SLAMF9: variants seen among roughly 807,000 people sequenced by gnomAD.
The protein encoded by SLAMF9 is CD2 family member 10.
Under a neutral mutation model 30.4 loss-of-function variants are expected in SLAMF9, and 25 were observed. That is an observed-to-expected ratio of 0.82 (90% CI 0.60 to 1.15). The LOEUF is 1.15. SLAMF9 is among the 50% of genes most tolerant of loss of function. The pLI is 0.00. For missense variants in SLAMF9, 344 were observed against 346.1 expected (o/e 0.99, Z 0.05); for synonymous variants, 129 against 127.2 (o/e 1.01, Z -0.09).
the SLAMF9 span, among the ~76,000 whole-genome samples, chr1:159,981,064 A>C: frequency 6.6e-6 from 1 of 152,188 alleles, no homozygotes; most frequent in South Asian, 2.1e-4. Flanking sequence ...GTGGCCCCCA[A>C]AACTCCTATG....
chr1:159,963,948 T>C, the SLAMF9 span, among the ~76,000 whole-genome samples: 1 of 152,132 alleles, frequency 6.6e-6, no homozygotes, highest in Non-Finnish European at 1.5e-5. Context: ...TAATCCCAGC[T>C]ACTCATGAGG....
the SLAMF9 span, among the ~76,000 whole-genome samples, chr1:159,971,870 C>T: frequency 2.6e-5 from 4 of 152,204 alleles, no homozygotes; most frequent in African/African-American, 9.6e-5. Flanking sequence ...ATTGTTTCTC[C>T]CCTGGCACTC....
chr1:159,973,942 G>T, the SLAMF9 span: 1 of 1,611,790 alleles, frequency 6.2e-7, no homozygotes, highest in African/African-American at 1.3e-5. Flanking sequence ...GAGAAATGAA[G>T]GAATTTTCCA....
At chr1:159,973,488 T>G in the SLAMF9 span, among the ~76,000 whole-genome samples, 19 of 152,070 alleles carry the variant, frequency 1.2e-4, no homozygotes, top group Middle Eastern at 3.2e-3. Flanking sequence ...ATCTTGGAAG[T>G]CAGAGGCAGA....
chr1:159,956,990 C>T (rs1651934197), upstream of SLAMF9, among the ~76,000 whole-genome samples: 1 of 151,454 alleles, frequency 6.6e-6, no homozygotes, highest in African/African-American at 2.4e-5. Flanking sequence ...GGCGTGGTGG[C>T]GGGTGCCTGT....
chr1:159,966,622 A>C, the SLAMF9 span, among the ~76,000 whole-genome samples: 19 of 152,138 alleles, frequency 1.2e-4, no homozygotes, highest in Non-Finnish European at 2.2e-4. Flanking sequence ...CTTCATCAAC[A>C]CATGTTATCT....
the SLAMF9 span, among the ~76,000 whole-genome samples, chr1:159,982,553 T>A: frequency 2.6e-5 from 4 of 152,212 alleles, no homozygotes; most frequent in Non-Finnish European, 5.9e-5. Context: ...TTTGTGCTAT[T>A]TTTAGCACTT....
At chr1:159,982,006 T>C in the SLAMF9 span, among the ~76,000 whole-genome samples, 1 of 152,230 alleles carries the variant, frequency 6.6e-6, no homozygotes, top group Non-Finnish European at 1.5e-5. Flanking sequence ...TCTTCATCCT[T>C]CACAGGTGTG....
the SLAMF9 span, among the ~76,000 whole-genome samples, chr1:159,979,230 T>G: frequency 6.6e-6 from 1 of 152,202 alleles, no homozygotes; most frequent in South Asian, 2.1e-4. Flanking sequence ...GTGGTACGGT[T>G]TGAGTTGTTT....
chr1:159,973,138 T>C, the SLAMF9 span: 2 of 1,539,504 alleles, frequency 1.3e-6, no homozygotes, highest in Non-Finnish European at 1.8e-6. Flanking sequence ...TCCTGCAAGG[T>C]GTGGCCATCC....
At chr1:159,966,554 T>G in the SLAMF9 span, among the ~76,000 whole-genome samples, 1 of 152,228 alleles carries the variant, frequency 6.6e-6, no homozygotes, top group Non-Finnish European at 1.5e-5. Flanking sequence ...TTTTCCATAA[T>G]AGCTGTACTA....
At chr1:159,964,346 G>T in the SLAMF9 span, among the ~76,000 whole-genome samples, 1 of 152,132 alleles carries the variant, frequency 6.6e-6, no homozygotes, top group Non-Finnish European at 1.5e-5. Context: ...TCTTGGTCTG[G>T]CCTTTGGAGA....
the SLAMF9 span, among the ~76,000 whole-genome samples, chr1:159,961,933 C>T: frequency 9.2e-5 from 14 of 151,798 alleles, no homozygotes; most frequent in East Asian, 3.9e-4. Flanking sequence ...CGGAGGCGGG[C>T]GGATCACAAG....
At chr1:159,981,179 A>G in the SLAMF9 span, among the ~76,000 whole-genome samples, 2 of 152,148 alleles carry the variant, frequency 1.3e-5, no homozygotes, top group Non-Finnish European at 2.9e-5. Flanking sequence ...GCCCTAATCC[A>G]TTCTGATTGG....
chr1:159,971,550 G>C, the SLAMF9 span, among the ~76,000 whole-genome samples: 4 of 152,094 alleles, frequency 2.6e-5, no homozygotes, highest in Non-Finnish European at 5.9e-5. Context: ...TGGTACCCTG[G>C]GTTGGAGAAG....
the SLAMF9 span, among the ~76,000 whole-genome samples, chr1:159,980,313 C>A: frequency 6.6e-6 from 1 of 152,118 alleles, no homozygotes; most frequent in Non-Finnish European, 1.5e-5. Context: ...CTCTTCCCAG[C>A]CTCTTCCCCT....
At chr1:159,963,345 C>G in the SLAMF9 span, among the ~76,000 whole-genome samples, 2 of 152,114 alleles carry the variant, frequency 1.3e-5, no homozygotes, top group African/African-American at 4.8e-5. Context: ...ACATAAGACA[C>G]GAGAATAGGT....
chr1:159,960,490 G>T, the SLAMF9 span, among the ~76,000 whole-genome samples: 1 of 147,008 alleles, frequency 6.8e-6, no homozygotes, highest in Non-Finnish European at 1.5e-5. Flanking sequence ...CTTTGAGACG[G>T]AGTTTCGATC....
chr1:159,982,450 G>T, the SLAMF9 span, among the ~76,000 whole-genome samples: 1 of 152,034 alleles, frequency 6.6e-6, no homozygotes, highest in Non-Finnish European at 1.5e-5. Flanking sequence ...ACTTCTCCCA[G>T]TGATCTTTAA....
Sources: allele counts gnomAD v4.1 joint callset (sites outside exome capture counted in the v4.1 genomes callset), GRCh38; gene constraint gnomAD v4.1.1; transcripts MANE v1.5; gene names NCBI Gene and HGNC (gene_info 2026-07-23, HGNC 2026-07-21).